CSMD1: variants seen among roughly 807,000 people sequenced by gnomAD.
CSMD1 encodes CUB and sushi domain-containing protein 1.
Under a neutral mutation model 417.5 loss-of-function variants are expected in CSMD1, and 213 were observed. The ratio of observed to expected loss-of-function variants is 0.51; its 90% CI spans 0.46 to 0.57. CSMD1 has a LOEUF of 0.57. CSMD1 is among the 20% of genes least tolerant of loss of function. The pLI is 0.00. For synonymous variants in CSMD1, 2,862 were observed against 1,736.8 expected (o/e 1.65, Z -16.11); for missense variants, 6,923 against 4,529.7 (o/e 1.53, Z -15.17).
intron 3 of CSMD1, among the ~76,000 whole-genome samples, chr8:4,302,798 C>CAA (rs1563418365): frequency 1.3e-5 from 2 of 152,270 alleles, no homozygotes; most frequent in Admixed American, 6.5e-5. Context: ...AGCCCCTCTA[C>CAA]AAGCCAGAGA....
chr8:2,962,365 G>C, intron 61 of CSMD1, 101 bp downstream of exon 61: 9 of 1,069,450 alleles, frequency 8.4e-6, no homozygotes, highest in Non-Finnish European at 9.5e-6. Flanking sequence ...ACTGTCTATG[G>C]AAACACTTTC....
intron 36 of CSMD1, among the ~76,000 whole-genome samples, chr8:3,187,362 G>T (rs971005139): frequency 6.6e-6 from 1 of 152,178 alleles, no homozygotes; most frequent in Admixed American, 6.5e-5. Context: ...GACTCGTCAA[G>T]GCGGGTGCAT....
At chr8:3,793,997 C>T (rs561332355) in intron 5 of CSMD1, among the ~76,000 whole-genome samples, 14 of 152,286 alleles carry the variant, frequency 9.2e-5, no homozygotes, top group African/African-American at 2.9e-4. Flanking sequence ...TCTTCCTGAA[C>T]CCCTGCTTAT....
chr8:3,034,101 C>T (rs1318708472), intron 50 of CSMD1, among the ~76,000 whole-genome samples: 1 of 152,178 alleles, frequency 6.6e-6, no homozygotes, highest in Non-Finnish European at 1.5e-5. Context: ...TGGACCTTGC[C>T]TGGATTTGAA....
chr8:3,340,635 G>C (rs971498755), intron 23 of CSMD1, among the ~76,000 whole-genome samples: 4 of 152,080 alleles, frequency 2.6e-5, no homozygotes, highest in Non-Finnish European at 5.9e-5. Flanking sequence ...CATCTTTTTG[G>C]AATAAATATT....
At chr8:4,810,406 C>T (rs1798828224) in intron 1 of CSMD1, among the ~76,000 whole-genome samples, 1 of 152,096 alleles carries the variant, frequency 6.6e-6, no homozygotes, top group Non-Finnish European at 1.5e-5. Flanking sequence ...GTGATTGTAC[C>T]TTCAAACTCA....
intron 1 of CSMD1, among the ~76,000 whole-genome samples, chr8:4,845,365 A>T (rs1243128458): frequency 6.6e-6 from 1 of 152,226 alleles, no homozygotes; most frequent in Non-Finnish European, 1.5e-5. Context: ...CCACACCAAC[A>T]CACACCATAC....
rs369027694 is a variant in CSMD1 at position 4,577,138 on chromosome 8, G to A, written c.302+60204C>T. ...ATAATTTATGCTAATCTTCTGCAAT[G>A]TTTCCTTGGGTTTTTTTTGCACTGA... On this transcript the variant is annotated intron_variant, in intron 2 of 69. Coordinates refer to ENST00000635120, the MANE Select transcript of CSMD1 (RefSeq NM_033225.6). Among the ~76,000 whole-genome samples the A allele has an allele frequency of 1.8e-4, 28 of 152,068 alleles. No homozygotes were observed. In the East Asian group the frequency reaches 2.1e-3, roughly 12 times the overall value.
chr8:3,510,122 T>C (rs1797001765), intron 10 of CSMD1, among the ~76,000 whole-genome samples: 1 of 152,002 alleles, frequency 6.6e-6, no homozygotes, highest in South Asian at 2.1e-4. Context: ...CATAAGGACA[T>C]GAATTGACAG....
intron 1 of CSMD1, among the ~76,000 whole-genome samples, chr8:4,796,094 A>C (rs984293401): frequency 6.6e-6 from 1 of 152,154 alleles, no homozygotes; most frequent in Admixed American, 6.5e-5. Context: ...AAATGTTCTT[A>C]TTCCACAAGG....
intron 9 of CSMD1, among the ~76,000 whole-genome samples, chr8:3,579,822 A>C (rs13268363): frequency 0.42 from 63,313 of 152,152 alleles, 13,434 homozygotes; most frequent in Middle Eastern, 0.47. Context: ...TATCACAGCA[A>C]GGCCAGTGTG....
At chr8:4,731,379 AT>A (rs1289879939) in intron 1 of CSMD1, among the ~76,000 whole-genome samples, 7 of 152,104 alleles carry the variant, frequency 4.6e-5, no homozygotes, top group Admixed American at 1.3e-4. Flanking sequence ...CATGTGACAC[AT>A]TCCCCCACCT....
chr8:3,569,394 G>C (rs568349656), intron 10 of CSMD1, among the ~76,000 whole-genome samples: 1 of 152,264 alleles, frequency 6.6e-6, no homozygotes, highest in African/African-American at 2.4e-5. Flanking sequence ...TTATACAACA[G>C]TCAAAGCCGA....
intron 3 of CSMD1, among the ~76,000 whole-genome samples, chr8:4,179,569 T>C (rs940569262): frequency 3.3e-5 from 5 of 150,900 alleles, no homozygotes; most frequent in South Asian, 2.1e-4. Context: ...AAAGACAAAA[T>C]TGACAAATGG....
At chr8:3,305,450 G>A (rs985871211) in intron 25 of CSMD1, among the ~76,000 whole-genome samples, 1 of 152,032 alleles carries the variant, frequency 6.6e-6, no homozygotes, top group Non-Finnish European at 1.5e-5. Context: ...AGGTCATAAG[G>A]GCTGGGCCCT....
rs1019005341 is a variant in CSMD1, at chr8:4,103,569, T to C, written c.416-71470A>G. On this transcript the variant is annotated intron_variant, in intron 3 of 69. Coordinates refer to ENST00000635120, the MANE Select transcript of CSMD1 (RefSeq NM_033225.6). ...CTGACTGCATCAAAGTTTGATACGA[T>C]GGATACAAAAAATGTTGGACTCATT... is the stretch of plus-strand genomic sequence containing the variant. 1.3e-4 allele frequency among the ~76,000 whole-genome samples: 20 copies of C among 152,016 alleles called. 1 individual carries two copies. Among genetic ancestry groups the C allele is most frequent in the Admixed American group, 1.3e-3 (20 of 15,258 alleles).
intron 11 of CSMD1, among the ~76,000 whole-genome samples, chr8:3,487,294 T>G (rs541608654): frequency 2.0e-5 from 3 of 152,146 alleles, no homozygotes; most frequent in Non-Finnish European, 4.4e-5. Flanking sequence ...CTCCACCTCC[T>G]GGGTTCACGC....
At chr8:3,810,127 G>C (rs987473161) in intron 5 of CSMD1, among the ~76,000 whole-genome samples, 5 of 152,138 alleles carry the variant, frequency 3.3e-5, no homozygotes, top group African/African-American at 1.2e-4. Flanking sequence ...TTTGCCAAGA[G>C]TGCTCCCAGG....
At chr8:4,250,908 A>T (rs1354381265) in intron 3 of CSMD1, among the ~76,000 whole-genome samples, 2 of 152,176 alleles carry the variant, frequency 1.3e-5, no homozygotes, top group Non-Finnish European at 2.9e-5. Context: ...CTTAAACAAT[A>T]AGGTCTTAGT....
Sources: allele counts gnomAD v4.1 joint callset (sites outside exome capture counted in the v4.1 genomes callset), GRCh38; gene constraint gnomAD v4.1.1; transcripts MANE v1.5; gene names NCBI Gene and HGNC (gene_info 2026-07-23, HGNC 2026-07-21).